Variants in PRKG1 observed in about 807,000 individuals in gnomAD.
PRKG1 encodes cGMP-dependent protein kinase 1.
PRKG1 carries 35 observed loss-of-function variants against 88.1 expected under a neutral mutation model. The ratio of observed to expected loss-of-function variants is 0.40; its 90% CI spans 0.30 to 0.53. The LOEUF is 0.53. Among genes scored for constraint, PRKG1 ranks in the 20% least tolerant of loss-of-function variants. The pLI is 0.59. For missense variants in PRKG1, 540 were observed against 839.8 expected (o/e 0.64, Z 4.41); for synonymous variants, 303 against 292.5 (o/e 1.04, Z -0.37).
intron 9 of PRKG1, among the ~76,000 whole-genome samples, chr10:52,168,213 T>G: frequency 6.6e-6 from 1 of 152,190 alleles, no homozygotes; most frequent in East Asian, 1.9e-4. Context: ...TTCTGGGAAG[T>G]CTTCTTAGGG....
rs1178211066 is a variant in PRKG1 at position 51,123,487 on chromosome 10, A to G, written c.312-29677A>G. 3.9e-5 allele frequency among the ~76,000 whole-genome samples: 6 copies of G among 152,044 alleles called. 1 individual carries two copies. The highest frequency in any genetic ancestry group is 6.6e-5 in the Admixed American group (1 of 15,250). ...GATCACCTGAGGTCAGGAGTTCGAA[A>G]CCAGCCTGGCCAACATGGTGAAACA... is the stretch of plus-strand genomic sequence containing the variant. On this transcript the variant is annotated intron_variant, in intron 1 of 17. Coordinates refer to ENST00000373980, the MANE Select transcript of PRKG1 (RefSeq NM_006258.4).
chr10:51,076,801 C>T (rs1247395204), intron 1 of PRKG1, among the ~76,000 whole-genome samples: 3 of 152,110 alleles, frequency 2.0e-5, no homozygotes, highest in African/African-American at 4.8e-5. Context: ...TTTACAGCAT[C>T]CCATTATAAT....
intron 4 of PRKG1, among the ~76,000 whole-genome samples, chr10:51,842,309 G>T (rs1840297628): frequency 6.6e-6 from 1 of 152,226 alleles, no homozygotes; most frequent in Non-Finnish European, 1.5e-5. Context: ...GATACTAATT[G>T]TATGAAGGTA....
chr10:51,879,345 T>G (rs1181989339), intron 4 of PRKG1, among the ~76,000 whole-genome samples: 1 of 152,204 alleles, frequency 6.6e-6, no homozygotes, highest in Admixed American at 6.5e-5. Flanking sequence ...CCATTTCATT[T>G]GAGTCACCCT....
chr10:51,800,779 G>C (rs1839151732), intron 3 of PRKG1, among the ~76,000 whole-genome samples: 1 of 151,952 alleles, frequency 6.6e-6, no homozygotes, highest in African/African-American at 2.4e-5. Context: ...CCTTTTCTTG[G>C]TGCTTGCATG....
chr10:51,390,492 A>T (rs7086716), intron 2 of PRKG1, among the ~76,000 whole-genome samples: 3 of 152,090 alleles, frequency 2.0e-5, no homozygotes, highest in Non-Finnish European at 4.4e-5. Flanking sequence ...TTTGGAGAAA[A>T]CTTAGTCTTG....
intron 3 of PRKG1, among the ~76,000 whole-genome samples, chr10:51,586,439 G>T (rs1838175483): frequency 6.6e-6 from 1 of 152,120 alleles, no homozygotes; most frequent in Admixed American, 6.6e-5. Flanking sequence ...CTGATGTGTT[G>T]TATTGAGGCC....
chr10:51,224,006 G>T (rs1381772806), intron 2 of PRKG1, among the ~76,000 whole-genome samples: 2 of 152,266 alleles, frequency 1.3e-5, no homozygotes, highest in African/African-American at 2.4e-5. Flanking sequence ...CCTGTAAATG[G>T]TATCTTTGTG....
At chr10:51,935,270 G>T (rs1446055499) in intron 5 of PRKG1, among the ~76,000 whole-genome samples, 4 of 152,070 alleles carry the variant, frequency 2.6e-5, no homozygotes, top group African/African-American at 9.7e-5. Context: ...GAATCATTCA[G>T]CCTGATTTAT....
intron 5 of PRKG1, among the ~76,000 whole-genome samples, chr10:51,967,781 T>A (rs1397485129): frequency 6.6e-6 from 1 of 152,162 alleles, no homozygotes; most frequent in African/African-American, 2.4e-5. Context: ...ATGGCTTTTG[T>A]GACCACAATC....
At chr10:51,296,148 AT>A (rs1840715498) in intron 2 of PRKG1, among the ~76,000 whole-genome samples, 1 of 151,914 alleles carries the variant, frequency 6.6e-6, no homozygotes, top group Non-Finnish European at 1.5e-5. Context: ...TTCTTGTTGT[AT>A]CTTTGTCTGG....
intron 3 of PRKG1, among the ~76,000 whole-genome samples, chr10:51,654,275 G>A (rs973103796): frequency 6.6e-6 from 1 of 152,148 alleles, no homozygotes; most frequent in Admixed American, 6.6e-5. Flanking sequence ...ATCATTTATT[G>A]AAAAGACTGT....
chr10:51,539,841 C>A (rs942916369), intron 3 of PRKG1, among the ~76,000 whole-genome samples: 2 of 152,088 alleles, frequency 1.3e-5, no homozygotes, highest in African/African-American at 4.8e-5. Context: ...TTAATAGTTT[C>A]ATTTCTGACA....
At chr10:52,273,353 T>A (rs1215279524) in intron 12 of PRKG1, among the ~76,000 whole-genome samples, 1 of 152,080 alleles carries the variant, frequency 6.6e-6, no homozygotes, top group African/African-American at 2.4e-5. Flanking sequence ...CACTCACATT[T>A]AGACATCTGT....
At chr10:51,672,676 G>A (rs1840613501) in intron 3 of PRKG1, among the ~76,000 whole-genome samples, 1 of 152,108 alleles carries the variant, frequency 6.6e-6, no homozygotes, top group Non-Finnish European at 1.5e-5. Context: ...GATGTTACAT[G>A]TCTTCCTAAA....
intron 3 of PRKG1, among the ~76,000 whole-genome samples, chr10:51,663,380 CAA>C (rs1840345923): frequency 6.6e-6 from 1 of 151,946 alleles, no homozygotes; most frequent in African/African-American, 2.4e-5. Flanking sequence ...TCCTTCTATT[CAA>C]TTTCACATCA....
chr10:52,132,807 TAGTA>T (rs1301339584), intron 7 of PRKG1, among the ~76,000 whole-genome samples: 6 of 152,140 alleles, frequency 3.9e-5, no homozygotes, highest in South Asian at 2.1e-4. Context: ...CATGGGTACA[TAGTA>T]AGTGTACATT....
intron 5 of PRKG1, among the ~76,000 whole-genome samples, chr10:51,979,570 A>G (rs999497426): frequency 5.3e-5 from 7 of 133,304 alleles, no homozygotes; most frequent in African/African-American, 2.0e-4. Flanking sequence ...TCTCCTTTGT[A>G]TATCTGATAG....
intron 4 of PRKG1, among the ~76,000 whole-genome samples, chr10:51,806,136 G>A (rs186822420): frequency 6.6e-6 from 1 of 152,260 alleles, no homozygotes; most frequent in Admixed American, 6.5e-5. Context: ...CAGTTTAAGA[G>A]CTATTGATTT....
Sources: gnomAD v4.1 joint callset for allele counts (sites outside exome capture counted in the v4.1 genomes callset) on GRCh38, gnomAD v4.1.1 for gene constraint, MANE v1.5 for transcripts, NCBI Gene and HGNC (gene_info 2026-07-23, HGNC 2026-07-21) for gene names.